TTK: variants seen among roughly 807,000 people sequenced by gnomAD.
The protein encoded by TTK is dual specificity protein kinase TTK.
A neutral mutation model predicts 117.3 loss-of-function variants in TTK; 59 were observed. The ratio of observed to expected loss-of-function variants is 0.50; its 90% confidence interval spans 0.41 to 0.62. The LOEUF is 0.62. TTK is among the 20% of genes least tolerant of loss of function. TTK has a pLI of 0.00. For missense variants in TTK, 921 were observed against 989.4 expected, an observed-to-expected ratio of 0.93 and a Z score of 0.93; for synonymous variants, 302 against 325.0, an observed-to-expected ratio of 0.93 and a Z score of 0.76.
intron 10 of TTK, among the ~76,000 whole-genome samples, chr6:80,016,093 C>G (rs561409011): frequency 1.3e-5 from 2 of 152,120 alleles, no homozygotes; most frequent in Non-Finnish European, 2.9e-5. Context: ...TTGCCGTATA[C>G]TATTTAACTA....
At chr6:80,039,264 G>A (rs1246098793) in intron 18 of TTK, among the ~76,000 whole-genome samples, 1 of 151,942 alleles carries the variant, frequency 6.6e-6, no homozygotes, top group East Asian at 1.9e-4. Flanking sequence ...GTTTAAAGTT[G>A]TATTGCTTAT....
At chr6:80,034,247 A>T (rs1435626699) in intron 14 of TTK, among the ~76,000 whole-genome samples, 1 of 152,138 alleles carries the variant, frequency 6.6e-6, no homozygotes, top group Non-Finnish European at 1.5e-5. Flanking sequence ...TAGAACAGTC[A>T]TGGGGTAATG....
rs777853677 is a variant in TTK at position 80,008,467 on chromosome 6, T to C, written c.444T>C (p.Ser148=). The C allele has an allele frequency of 3.7e-6, 6 of 1,611,656 alleles. No individual in the cohort carries two copies. In the East Asian group the frequency reaches 1.1e-4, roughly 30 times the overall value. ...AGAAATTTGCTTTTGTTCATATATC[T>C]TTTGCACAATTTGAACTGTCACAAG... is the stretch of plus-strand genomic sequence containing the variant. ...NCKKFAFVHI[S]FAQFELSQGN... The change falls in exon 4 of 22, where the codon TCT becomes TCC. Residue 148 remains serine (S), a synonymous_variant. Coordinates refer to ENST00000369798, the MANE Select transcript of TTK (RefSeq NM_003318.5).
chr6:80,017,015 C>T (rs1165694569), intron 10 of TTK, among the ~76,000 whole-genome samples: 2 of 152,226 alleles, frequency 1.3e-5, no homozygotes, highest in Non-Finnish European at 2.9e-5. Flanking sequence ...AGATTTATAT[C>T]CTGCCATCAG....
chr6:80,036,275 G>A (rs1314929705), intron 16 of TTK, among the ~76,000 whole-genome samples, 200 bp from the exon 17 acceptor site: 1 of 152,104 alleles, frequency 6.6e-6, no homozygotes, highest in Non-Finnish European at 1.5e-5. Context: ...AAATGATGCA[G>A]TACTGTATAA....
At chr6:80,011,220 T>C (rs1767138897) in intron 5 of TTK, among the ~76,000 whole-genome samples, 1 of 151,650 alleles carries the variant, frequency 6.6e-6, no homozygotes, top group Non-Finnish European at 1.5e-5. Flanking sequence ...AAATAGAGAA[T>C]GTGCTTTTAC....
intron 13 of TTK, among the ~76,000 whole-genome samples, chr6:80,029,703 G>A (rs1454957643): frequency 6.6e-6 from 1 of 152,224 alleles, no homozygotes; most frequent in Non-Finnish European, 1.5e-5. Flanking sequence ...AAGAGGGTGG[G>A]AAGCTTTGGA....
At chr6:80,036,054 T>C (rs1179642566) in intron 16 of TTK, among the ~76,000 whole-genome samples, 1 of 152,126 alleles carries the variant, frequency 6.6e-6, no homozygotes, top group Non-Finnish European at 1.5e-5. Flanking sequence ...ATTAGGGTCT[T>C]ACTGTCTGGC....
At position 80,005,842 on chromosome 6, in the gene TTK, A is replaced by G. The variant is rs759751695; in HGVS notation, c.-2A>G. ...TATGACTGTTCAGTTTTTTTCTTAGAAATGGAATCCGAGGATTTAAGTGGC... is the reference window on the plus strand; with the variant it reads ...TATGACTGTTCAGTTTTTTTCTTAGGAATGGAATCCGAGGATTTAAGTGGC... On this transcript the variant is annotated splice_region_variant and 5_prime_UTR_variant, in exon 2 of 22. Coordinates refer to ENST00000369798, the MANE Select transcript of TTK (RefSeq NM_003318.5). 6.2e-7 allele frequency: 1 copy of G among 1,611,248 alleles called. No homozygotes were observed. The highest frequency in any genetic ancestry group is 8.5e-7 in the Non-Finnish European group (1 of 1,179,248).
Position 80,011,805 on chromosome 6 carries a change from A to C in TTK, c.801+4A>C. 6.2e-7 allele frequency: 1 copy of C among 1,612,668 alleles called. No individual in the cohort carries two copies. Among genetic ancestry groups the C allele is most frequent in the Non-Finnish European group, 8.5e-7 (1 of 1,179,130 alleles). On this transcript the variant is annotated splice_donor_region_variant and intron_variant, in intron 7 of 21. Coordinates refer to ENST00000369798, the MANE Select transcript of TTK (RefSeq NM_003318.5). ...ACAAACTAACAAAACTAAACAGGTAAGTTACTTTCAATCTGCTTGATTAAG... is the reference window on the plus strand; with the variant it reads ...ACAAACTAACAAAACTAAACAGGTACGTTACTTTCAATCTGCTTGATTAAG...
At chr6:80,014,998 A>AGT (rs1413174223) in intron 10 of TTK, among the ~76,000 whole-genome samples, 1 of 152,208 alleles carries the variant, frequency 6.6e-6, no homozygotes, top group Non-Finnish European at 1.5e-5. Flanking sequence ...GTTGCAGTTC[A>AGT]GTGTGGAAGA....
chr6:80,040,892 G>A (rs1429451640), intron 21 of TTK, among the ~76,000 whole-genome samples, 189 bp downstream of exon 21: 1 of 151,724 alleles, frequency 6.6e-6, no homozygotes, highest in African/African-American at 2.4e-5. Context: ...TTCTTCTTCT[G>A]CATACAGTAC....
chr6:80,022,282 T>C, intron 10 of TTK, 42 bp from the exon 11 acceptor site: 1 of 1,589,548 alleles, frequency 6.3e-7, no homozygotes, highest in Non-Finnish European at 8.6e-7. Context: ...TTTATTATGA[T>C]CAAATATTCT....
rs1768074918 is a variant in TTK at position 80,042,405 on chromosome 6, C to G, written c.*203C>G. On this transcript the variant is annotated 3_prime_UTR_variant, in exon 22 of 22. Coordinates refer to ENST00000369798, the MANE Select transcript of TTK (RefSeq NM_003318.5). Reference sequence around the variant, plus strand: ...TGTATATATTGTAGACTTGTTTTCTCTGTTTTATGCTCTTGTGTAATCTAC... The same window carrying G: ...TGTATATATTGTAGACTTGTTTTCTGTGTTTTATGCTCTTGTGTAATCTAC... The G allele has an allele frequency of 3.0e-6, 1 of 333,934 alleles. No homozygotes were observed. Among genetic ancestry groups the G allele is most frequent in the Non-Finnish European group, 5.6e-6 (1 of 179,932 alleles). The allele number at this position is 333,934 out of a possible 1,614,324, so 20.7% of individuals were successfully genotyped here. A position where few individuals can be genotyped will look rare whatever the true frequency, so the allele number is the denominator to read the frequency against.
intron 13 of TTK, among the ~76,000 whole-genome samples, chr6:80,030,117 T>A (rs540656582): frequency 6.6e-6 from 1 of 152,328 alleles, no homozygotes; most frequent in South Asian, 2.1e-4. Flanking sequence ...AATAGGAGAT[T>A]ACATGAGAGA....
intron 20 of TTK, 95 bp from the exon 21 acceptor site, chr6:80,040,510 TA>T: frequency 9.3e-7 from 1 of 1,079,686 alleles, no homozygotes; most frequent in Non-Finnish European, 1.3e-6. Context: ...TGATAAATTA[TA>T]AGAATATCAC....
chr6:80,022,966 T>C (rs547108181), intron 11 of TTK, among the ~76,000 whole-genome samples: 49 of 152,298 alleles, frequency 3.2e-4, no homozygotes, highest in African/African-American at 1.2e-3. Flanking sequence ...TACTCATTGA[T>C]AAAAATAGAA....
chr6:80,037,956 T>G lies in TTK; in HGVS notation c.2050-11T>G, dbSNP rs781765761. On this transcript the variant is annotated splice_polypyrimidine_tract_variant and intron_variant, in intron 17 of 21. Coordinates refer to ENST00000369798, the MANE Select transcript of TTK (RefSeq NM_003318.5). ...TTCATTGATTTGTGTTTTCTCTGAC[T>G]TGGCATATAGGTTGGCACAGTTAAT... 2.0e-6 allele frequency: 3 copies of G among 1,530,466 alleles called. No individual in the cohort carries two copies. In the South Asian group the frequency reaches 4.1e-5, roughly 21 times the overall value. 94.8% of individuals were successfully genotyped at this position (1,530,466 alleles called of 1,614,324 possible).
chr6:80,020,766 C>A (rs747841260), intron 10 of TTK, among the ~76,000 whole-genome samples: 6 of 152,236 alleles, frequency 3.9e-5, no homozygotes, highest in Non-Finnish European at 8.8e-5. Flanking sequence ...GAAACCATTT[C>A]TTCCCTAGCG....
Sources: gnomAD v4.1 joint callset for allele counts (sites outside exome capture counted in the v4.1 genomes callset) on GRCh38, gnomAD v4.1.1 for gene constraint, MANE v1.5 for transcripts, NCBI Gene and HGNC (gene_info 2026-07-23, HGNC 2026-07-21) for gene names.